RAPGEF4: variants seen among roughly 807,000 people sequenced by gnomAD.
RAPGEF4 encodes the protein RAP guanine-nucleotide-exchange factor (GEF) 4.
In RAPGEF4, 66 loss-of-function variants were observed where a neutral mutation model predicts 147.9. The observed-to-expected ratio is 0.45, with a 90% CI of 0.37 to 0.55. RAPGEF4 has a LOEUF of 0.55. RAPGEF4 is among the 20% of genes least tolerant of loss of function. The pLI, the probability that RAPGEF4 is intolerant of heterozygous loss-of-function variation, is 0.00. For synonymous variants in RAPGEF4, 419 were observed against 442.7 expected (o/e 0.95, Z 0.67); for missense variants, 1,071 against 1,257.3 (o/e 0.85, Z 2.24).
chr2:172,758,886 T>C (rs1241413570), intron 1 of RAPGEF4, among the ~76,000 whole-genome samples: 1 of 152,040 alleles, frequency 6.6e-6, no homozygotes, highest in Non-Finnish European at 1.5e-5. Flanking sequence ...GGATCATTAA[T>C]ACATAGATGA....
chr2:172,866,356 T>G (rs1467829525), intron 4 of RAPGEF4, among the ~76,000 whole-genome samples: 4 of 152,354 alleles, frequency 2.6e-5, no homozygotes, highest in Non-Finnish European at 4.4e-5. Context: ...GCCTCAGTCC[T>G]TAATTTTTCT....
intron 23 of RAPGEF4, among the ~76,000 whole-genome samples, chr2:173,025,506 G>A (rs1466834980): frequency 6.6e-6 from 1 of 152,110 alleles, no homozygotes; most frequent in Admixed American, 6.6e-5. Flanking sequence ...GCAGTGGCAC[G>A]ATCTCGGCTC....
intron 1 of RAPGEF4, among the ~76,000 whole-genome samples, chr2:172,740,191 G>A (rs1694182523): frequency 6.6e-6 from 1 of 152,208 alleles, no homozygotes; most frequent in Non-Finnish European, 1.5e-5. Flanking sequence ...TGTTATAGAT[G>A]AAAGAACCTA....
chr2:172,875,852 C>T (rs911387164), intron 4 of RAPGEF4, among the ~76,000 whole-genome samples: 26 of 152,162 alleles, frequency 1.7e-4, no homozygotes, highest in Non-Finnish European at 8.8e-5. Context: ...GCCATTTTCA[C>T]GATCTTGATT....
intron 15 of RAPGEF4, among the ~76,000 whole-genome samples, chr2:172,994,108 A>G (rs540433007): frequency 6.6e-6 from 1 of 152,232 alleles, no homozygotes; most frequent in East Asian, 1.9e-4. Context: ...AAACTGATGT[A>G]TGAGTCACAC....
At chr2:172,825,000 C>T (rs1689507503) in intron 4 of RAPGEF4, among the ~76,000 whole-genome samples, 1 of 152,136 alleles carries the variant, frequency 6.6e-6, no homozygotes, top group Non-Finnish European at 1.5e-5. Context: ...TTTTCAGTAG[C>T]TTTTATTCTG....
chr2:172,941,395 A>G (rs1265479944), intron 6 of RAPGEF4, among the ~76,000 whole-genome samples: 2 of 152,124 alleles, frequency 1.3e-5, no homozygotes, highest in African/African-American at 2.4e-5. Flanking sequence ...CCATTTGTAT[A>G]ATGTATATTT....
At chr2:172,996,678 T>C in intron 16 of RAPGEF4, 124 bp downstream of exon 16, 1 of 658,418 alleles carries the variant, frequency 1.5e-6, no homozygotes, top group East Asian at 3.1e-5. Flanking sequence ...GTATTGATAT[T>C]TGAAAAGCAT....
chr2:172,782,753 A>C (rs764707380), intron 1 of RAPGEF4, among the ~76,000 whole-genome samples: 6 of 152,240 alleles, frequency 3.9e-5, no homozygotes, highest in Non-Finnish European at 7.3e-5. Context: ...AAGGAGCCAA[A>C]TGAAATTATT....
At chr2:172,837,797 C>T (rs1691130007) in intron 4 of RAPGEF4, among the ~76,000 whole-genome samples, 1 of 152,146 alleles carries the variant, frequency 6.6e-6, no homozygotes, top group Non-Finnish European at 1.5e-5. Flanking sequence ...CTCCCATCCT[C>T]AAGTGATCCT....
intron 6 of RAPGEF4, among the ~76,000 whole-genome samples, chr2:172,923,152 T>C (rs1233005800): frequency 6.6e-6 from 1 of 152,248 alleles, no homozygotes; most frequent in Non-Finnish European, 1.5e-5. Flanking sequence ...CGTTCTCAGA[T>C]ATCAGTCTCT....
intron 4 of RAPGEF4, among the ~76,000 whole-genome samples, chr2:172,912,163 T>C (rs530199101): frequency 3.4e-4 from 52 of 152,208 alleles, no homozygotes; most frequent in Non-Finnish European, 6.6e-4. Context: ...CTCAGCCTGC[T>C]TCCTGCTCAT....
chr2:172,804,556 T>A (rs1574894052), intron 3 of RAPGEF4, among the ~76,000 whole-genome samples: 1 of 152,158 alleles, frequency 6.6e-6, no homozygotes. Context: ...GTGGTGAGCC[T>A]GGGAACGGGG....
At chr2:172,769,437 G>A (rs1697153940) in intron 1 of RAPGEF4, among the ~76,000 whole-genome samples, 1 of 152,144 alleles carries the variant, frequency 6.6e-6, no homozygotes, top group Non-Finnish European at 1.5e-5. Context: ...TCTGAGCTCT[G>A]GGTGTGATAT....
At chr2:172,868,681 T>C (rs974046064) in intron 4 of RAPGEF4, among the ~76,000 whole-genome samples, 1 of 152,246 alleles carries the variant, frequency 6.6e-6, no homozygotes, top group African/African-American at 2.4e-5. Flanking sequence ...TAGCTTCATC[T>C]TAATTAAGTG....
At chr2:172,890,241 A>T (rs900511444) in intron 4 of RAPGEF4, among the ~76,000 whole-genome samples, 1 of 152,176 alleles carries the variant, frequency 6.6e-6, no homozygotes, top group African/African-American at 2.4e-5. Flanking sequence ...GAAGTTGATG[A>T]CTGATAAGAG....
At chr2:172,986,287 C>T (rs1243799709) in intron 12 of RAPGEF4, among the ~76,000 whole-genome samples, 3 of 152,348 alleles carry the variant, frequency 2.0e-5, no homozygotes, top group Non-Finnish European at 2.9e-5. Flanking sequence ...CTTCCTGAGC[C>T]TAATGACACA....
At chr2:172,979,973 CACTA>C (rs1276640333) in intron 10 of RAPGEF4, among the ~76,000 whole-genome samples, 1 of 152,200 alleles carries the variant, frequency 6.6e-6, no homozygotes, top group African/African-American at 2.4e-5. Context: ...GCCAAGATCA[CACTA>C]CTGCACTCCA....
chr2:172,836,088 C>T (rs893258243), intron 4 of RAPGEF4, among the ~76,000 whole-genome samples: 1 of 152,234 alleles, frequency 6.6e-6, no homozygotes, highest in African/African-American at 2.4e-5. Context: ...ATATACCTTC[C>T]ACTCCATAAA....
Sources: allele counts gnomAD v4.1 joint callset (sites outside exome capture counted in the v4.1 genomes callset), GRCh38; gene constraint gnomAD v4.1.1; transcripts MANE v1.5; gene names NCBI Gene and HGNC (gene_info 2026-07-23, HGNC 2026-07-21).